Variants in SLC35F4 observed in about 807,000 individuals in gnomAD.
SLC35F4 encodes solute carrier family 35 member F4, also known as chromosome 14 open reading frame 36.
A neutral mutation model predicts 44.2 loss-of-function variants in SLC35F4; 24 were observed. That is an observed-to-expected ratio of 0.54 (90% CI 0.39 to 0.76). The LOEUF (loss-of-function observed/expected upper bound fraction) is 0.76, where lower values mean the gene tolerates loss of function less well. Ranked by LOEUF, SLC35F4 falls within the 30% of genes least tolerant of loss-of-function variation. The probability of loss-of-function intolerance (pLI) is 0.00; values close to 1 mark genes in which losing one functional copy is unlikely to be tolerated. For synonymous variants in SLC35F4, 238 were observed against 223.6 expected (o/e 1.06, Z -0.57); for missense variants, 562 against 586.1 (o/e 0.96, Z 0.42).
chr14:57,699,553 G>T (rs568290117), intron 1 of SLC35F4, among the ~76,000 whole-genome samples: 23 of 152,174 alleles, frequency 1.5e-4, no homozygotes, highest in Non-Finnish European at 3.2e-4. Flanking sequence ...AAGGTAAGCA[G>T]CATGAGGCTT....
chr14:57,898,373 A>C (rs1212416714), intron 1 of SLC35F4, among the ~76,000 whole-genome samples: 1 of 152,248 alleles, frequency 6.6e-6, no homozygotes, highest in East Asian at 1.9e-4. Context: ...GGTTTAGGAC[A>C]TACAACGATT....
intron 1 of SLC35F4, among the ~76,000 whole-genome samples, chr14:57,642,461 C>CT (rs939690092): frequency 1.7e-4 from 26 of 151,004 alleles, no homozygotes; most frequent in Admixed American, 2.7e-4. Flanking sequence ...CAGATTTTTT[C>CT]TTTTTTTTTC....
intron 1 of SLC35F4, among the ~76,000 whole-genome samples, chr14:57,751,766 G>T (rs1030699202): frequency 6.6e-6 from 1 of 152,036 alleles, no homozygotes; most frequent in Non-Finnish European, 1.5e-5. Context: ...AAAATTCTAT[G>T]GTCACAATGA....
chr14:57,866,699 G>T (rs1214794792), upstream of SLC35F4, among the ~76,000 whole-genome samples: 1 of 152,154 alleles, frequency 6.6e-6, no homozygotes, highest in Non-Finnish European at 1.5e-5. Context: ...GCTCTGAGGA[G>T]AAATGATTTT....
chr14:57,702,722 T>C (rs1454544867), intron 1 of SLC35F4, among the ~76,000 whole-genome samples: 4 of 152,168 alleles, frequency 2.6e-5, no homozygotes, highest in African/African-American at 9.7e-5. Flanking sequence ...CAGCACACTT[T>C]CTCTTTCCAA....
At chr14:57,898,567 A>G (rs560312193) in intron 1 of SLC35F4, among the ~76,000 whole-genome samples, 88 of 152,354 alleles carry the variant, frequency 5.8e-4, no homozygotes, top group Admixed American at 2.3e-3. Context: ...CTTCTAATAT[A>G]TAGGCATATG....
At chr14:57,594,166 C>A in intron 1 of SLC35F4, 42 bp from the exon 2 acceptor site, 2 of 1,544,694 alleles carry the variant, frequency 1.3e-6, no homozygotes, top group South Asian at 1.2e-5. Context: ...ACTGCCTGAA[C>A]AAATTGGAAG....
At chr14:57,842,313 G>T (rs1885568335) in intron 1 of SLC35F4, among the ~76,000 whole-genome samples, 1 of 152,150 alleles carries the variant, frequency 6.6e-6, no homozygotes, top group Non-Finnish European at 1.5e-5. Context: ...CTGAAATGGG[G>T]CATAGTCAAG....
At chr14:57,607,801 C>T (rs1025627056) in intron 1 of SLC35F4, among the ~76,000 whole-genome samples, 12 of 152,064 alleles carry the variant, frequency 7.9e-5, no homozygotes, top group Non-Finnish European at 1.5e-4. Flanking sequence ...ATTAAAGTGG[C>T]CTTGAAGAGG....
chr14:57,736,392 T>A (rs930365635), intron 1 of SLC35F4, among the ~76,000 whole-genome samples: 1 of 152,208 alleles, frequency 6.6e-6, no homozygotes, highest in Admixed American at 6.5e-5. Context: ...TAACTTACAA[T>A]ACCAGCTGTG....
chr14:57,839,605 C>T (rs995418687), intron 1 of SLC35F4, among the ~76,000 whole-genome samples: 7 of 151,736 alleles, frequency 4.6e-5, no homozygotes, highest in South Asian at 2.1e-4. Flanking sequence ...TTCAGGGAGG[C>T]GGGGAGAGAG....
rs148708016 is a variant in SLC35F4 at position 57,874,970 on chromosome 14, GAATAAATA to G, written n.282+106935_282+106942del. ...TCCTAATCTTTTGGAAGAGGCAGTG[GAATAAATA>G]AATAAATAAATAAATAAATAAATGA... On this transcript the variant is annotated intron_variant and non_coding_transcript_variant, in intron 1 of 1. Coordinates refer to the SLC35F4 transcript ENST00000556568. Among the ~76,000 whole-genome samples the G allele has an allele frequency of 4.7e-3, 708 of 149,822 alleles. 5 individuals carry two copies. The highest frequency in any genetic ancestry group is 0.017 in the African/African-American group (667 of 40,126).
intron 5 of SLC35F4, among the ~76,000 whole-genome samples, chr14:57,571,421 C>T (rs572137889): frequency 1.6e-4 from 25 of 152,306 alleles, no homozygotes; most frequent in Non-Finnish European, 3.4e-4. Flanking sequence ...CCAAACAGCT[C>T]TCTAGTGACA....
chr14:57,692,339 G>A (rs1178645285), intron 1 of SLC35F4, among the ~76,000 whole-genome samples: 2 of 152,054 alleles, frequency 1.3e-5, no homozygotes, highest in Non-Finnish European at 2.9e-5. Context: ...GTTATATATG[G>A]ATGGTGGTAC....
intron 1 of SLC35F4, among the ~76,000 whole-genome samples, chr14:57,889,242 C>T (rs957959442): frequency 6.6e-6 from 1 of 152,242 alleles, no homozygotes; most frequent in Admixed American, 6.5e-5. Context: ...ATCACTAACA[C>T]TGCCATGCGG....
intron 1 of SLC35F4, among the ~76,000 whole-genome samples, chr14:57,672,877 G>A (rs535747818): frequency 6.6e-6 from 1 of 151,668 alleles, no homozygotes; most frequent in African/African-American, 2.4e-5. Context: ...AACAGAGTAG[G>A]TTTTTTGTTT....
At chr14:57,761,190 G>A (rs562318943) in intron 1 of SLC35F4, among the ~76,000 whole-genome samples, 11 of 152,190 alleles carry the variant, frequency 7.2e-5, no homozygotes, top group African/African-American at 2.6e-4. Context: ...TGAAAACAGC[G>A]GTTGCATATA....
intron 1 of SLC35F4, among the ~76,000 whole-genome samples, chr14:57,755,808 T>C (rs557306393): frequency 5.9e-5 from 9 of 152,244 alleles, no homozygotes; most frequent in Non-Finnish European, 1.0e-4. Flanking sequence ...AAAAATAACA[T>C]TGTCCACATT....
chr14:57,710,853 T>C (rs1566785634), intron 1 of SLC35F4, among the ~76,000 whole-genome samples: 1 of 152,262 alleles, frequency 6.6e-6, no homozygotes, highest in South Asian at 2.1e-4. Flanking sequence ...AACTAACTTG[T>C]ATTTTATTTT....
Sources: allele counts gnomAD v4.1 joint callset (sites outside exome capture counted in the v4.1 genomes callset), GRCh38; gene constraint gnomAD v4.1.1; transcripts MANE v1.5; gene names NCBI Gene and HGNC (gene_info 2026-07-23, HGNC 2026-07-21).